Variants in SNX27 observed in about 807,000 individuals in gnomAD.
The protein encoded by SNX27 is sorting nexin-27.
In SNX27, 22 loss-of-function variants were observed where a neutral mutation model predicts 71.6. The observed-to-expected ratio is 0.31, with a 90% CI of 0.22 to 0.44. The LOEUF (loss-of-function observed/expected upper bound fraction) is 0.44, where lower values mean the gene tolerates loss of function less well. SNX27 is among the 20% of genes least tolerant of loss of function. SNX27 has a pLI of 1.00. For synonymous variants in SNX27, 269 were observed against 277.2 expected (o/e 0.97, Z 0.29); for missense variants, 531 against 698.6 (o/e 0.76, Z 2.70).
At chr1:151,660,072 C>T (rs1049371874) in intron 3 of SNX27, 1 of 151,994 alleles carries the variant, frequency 6.6e-6, no homozygotes, top group African/African-American at 2.4e-5. Context: ...TGAACAAAGC[C>T]CTTGGGAAAT....
At chr1:151,665,830 A>G (rs1670164767) in intron 5 of SNX27, 103 bp from the exon 6 acceptor site, 2 of 868,992 alleles carry the variant, frequency 2.3e-6, no homozygotes, top group South Asian at 1.8e-5. Flanking sequence ...CCAAGATGGC[A>G]GAACCTCTCC....
chr1:151,691,864 T>C (rs929057006), intron 8 of SNX27, among the ~76,000 whole-genome samples: 1 of 152,008 alleles, frequency 6.6e-6, no homozygotes, highest in Non-Finnish European at 1.5e-5. Flanking sequence ...AAGGTGTTGT[T>C]TCCTTACTTA....
At chr1:151,640,840 C>G (rs1056692992) in intron 2 of SNX27, among the ~76,000 whole-genome samples, 4 of 152,162 alleles carry the variant, frequency 2.6e-5, no homozygotes, top group African/African-American at 9.7e-5. Flanking sequence ...CAAAAGTTCC[C>G]TCATGCCCTT....
chr1:151,621,525 G>A (rs896091380), intron 1 of SNX27, among the ~76,000 whole-genome samples: 1 of 152,192 alleles, frequency 6.6e-6, no homozygotes, highest in Non-Finnish European at 1.5e-5. Context: ...GTTTTCTACA[G>A]GCCTGATACA....
intron 2 of SNX27, among the ~76,000 whole-genome samples, chr1:151,648,411 C>T (rs1160138653): frequency 1.3e-5 from 2 of 150,768 alleles, no homozygotes; most frequent in Non-Finnish European, 3.0e-5. Flanking sequence ...ACATATTTAC[C>T]ATTTCTTTCT....
At chr1:151,616,119 A>G (rs535311517) in intron 1 of SNX27, among the ~76,000 whole-genome samples, 2 of 152,322 alleles carry the variant, frequency 1.3e-5, no homozygotes, top group Admixed American at 6.5e-5. Flanking sequence ...ACATATACTG[A>G]GTGTTTTCCC....
chr1:151,696,864 G>C lies in SNX27; in HGVS notation c.*2447G>C, dbSNP rs1209266317. 6.6e-6 allele frequency: 1 copy of C among 151,996 alleles called. No homozygotes were observed. The highest frequency in any genetic ancestry group is 6.6e-5 in the Admixed American group (1 of 15,248). The allele number at this position is 151,996 out of a possible 1,614,324, so 9.4% of individuals were successfully genotyped here. A position where few individuals can be genotyped will look rare whatever the true frequency, so the allele number is the denominator to read the frequency against. ...GGGGTTTCACCATGATGGCCAGGTT[G>C]GTTTTGAACTCCTGACCTCAAGTAA... On this transcript the variant is annotated 3_prime_UTR_variant, in exon 12 of 12. Coordinates refer to ENST00000458013, the MANE Select transcript of SNX27 (RefSeq NM_001330723.2).
rs1297750307 is a variant in SNX27, at chr1:151,697,652, A to G, written c.*3235A>G. 6.5e-6 allele frequency: 1 copy of G among 152,886 alleles called. No individual in the cohort carries two copies. Among genetic ancestry groups the G allele is most frequent in the Non-Finnish European group, 1.5e-5 (1 of 68,230 alleles). 9.5% of individuals were successfully genotyped at this position (152,886 alleles called of 1,614,324 possible). A position where few individuals can be genotyped will look rare whatever the true frequency, so the allele number is the denominator to read the frequency against. ...TGGCTGCGTGGATCCCATAGGATCA[A>G]GCCCTTCTTTGCATGAAGCAGTGTT... On this transcript the variant is annotated 3_prime_UTR_variant, in exon 12 of 12. Coordinates refer to ENST00000458013, the MANE Select transcript of SNX27 (RefSeq NM_001330723.2).
rs1342075620 is a variant in SNX27 at position 151,698,433 on chromosome 1, G to A, written c.*4016G>A. The A allele has an allele frequency of 6.6e-6, 1 of 152,654 alleles. No homozygotes were observed. The highest frequency in any genetic ancestry group is 2.4e-5 in the African/African-American group (1 of 41,460). 9.5% of individuals were successfully genotyped at this position (152,654 alleles called of 1,614,324 possible). A position where few individuals can be genotyped will look rare whatever the true frequency, so the allele number is the denominator to read the frequency against. On this transcript the variant is annotated 3_prime_UTR_variant, in exon 12 of 12. Transcript: ENST00000458013. Reference sequence around the variant, plus strand: ...GTTTGGCTAGATTCATTCAGCAGTAGAAGCTGTTTGATCTGTTGACCCCAG... The same window carrying A: ...GTTTGGCTAGATTCATTCAGCAGTAAAAGCTGTTTGATCTGTTGACCCCAG...
At chr1:151,686,782 A>G (rs1191092333) in intron 8 of SNX27, among the ~76,000 whole-genome samples, 3 of 152,266 alleles carry the variant, frequency 2.0e-5, no homozygotes, top group Non-Finnish European at 4.4e-5. Flanking sequence ...CCAGGTCACT[A>G]CAATTAGTAG....
chr1:151,685,099 G>A (rs1014658687), intron 8 of SNX27, among the ~76,000 whole-genome samples: 5 of 152,022 alleles, frequency 3.3e-5, no homozygotes, highest in Admixed American at 6.6e-5. Flanking sequence ...GTAAGCTACC[G>A]TGCCAGGCCT....
chr1:151,683,508 C>T (rs1226505314), intron 8 of SNX27, 63 bp downstream of exon 8: 1 of 1,267,198 alleles, frequency 7.9e-7, no homozygotes, highest in African/African-American at 1.5e-5. Flanking sequence ...ACCTATAGTC[C>T]TAGTCATTTT....
At chr1:151,638,705 A>T in intron 1 of SNX27, 183 bp from the exon 2 acceptor site, 1 of 618,560 alleles carries the variant, frequency 1.6e-6, no homozygotes, top group Non-Finnish European at 2.8e-6. Flanking sequence ...CCCCCGCCAT[A>T]AGTTCACAAA....
Position 151,696,114 on chromosome 1 carries a change from A to G in SNX27, c.*1697A>G, listed in dbSNP as rs1242256162. On this transcript the variant is annotated 3_prime_UTR_variant, in exon 12 of 12. Transcript: ENST00000458013. ...AAAACCTTTCTGCTTTCTGTCCGTT[A>G]AAGAGCTCCTCATCTGATCTTGCAG... 5 of 152,226 alleles carry G rather than the reference A, an allele frequency of 3.3e-5. No individual in the cohort carries two copies. The highest frequency in any genetic ancestry group is 1.2e-4 in the African/African-American group (5 of 41,444). The allele number at this position is 152,226 out of a possible 1,614,324, so 9.4% of individuals were successfully genotyped here. A position where few individuals can be genotyped will look rare whatever the true frequency, so the allele number is the denominator to read the frequency against.
intron 2 of SNX27, among the ~76,000 whole-genome samples, chr1:151,650,147 C>G (rs1008820590): frequency 1.3e-5 from 2 of 152,110 alleles, no homozygotes; most frequent in African/African-American, 4.8e-5. Flanking sequence ...TTCAGCCTCT[C>G]AAGATGTTGG....
chr1:151,651,801 G>T (rs1363296795), intron 2 of SNX27, among the ~76,000 whole-genome samples: 1 of 152,074 alleles, frequency 6.6e-6, no homozygotes, highest in African/African-American at 2.4e-5. Flanking sequence ...AGACGGGGTG[G>T]CGGCCGGGCA....
Position 151,612,531 on chromosome 1 carries a change from C to A in SNX27, c.311+19C>A. The A allele has an allele frequency of 7.5e-7, 1 of 1,340,872 alleles. No homozygotes were observed. Among genetic ancestry groups the A allele is most frequent in the Non-Finnish European group, 9.5e-7 (1 of 1,047,158 alleles). The allele number at this position is 1,340,872 out of a possible 1,614,324, so 83.1% of individuals were successfully genotyped here. A position where few individuals can be genotyped will look rare whatever the true frequency, so the allele number is the denominator to read the frequency against. On this transcript the variant is annotated intron_variant, in intron 1 of 11. Transcript: ENST00000458013. This position sits in a 1 kb window ranked among gnomAD's most constrained non-coding sequence, Gnocchi z 5.2. ...TGGAGGTGTGAGTATCGGGGCTACC[C>A]GCCGCCCCATCCTCCCCGCGCCCCT...
rs201882604 is a variant in SNX27 at position 151,613,571 on chromosome 1, G to GT, written c.311+1065dup. ...CCCTAGGCTGCTTTTCCTTTCTTCTGTTTTTTAAGGCGCCTTCTGCTGCTG... is the reference window on the plus strand; with the variant it reads ...CCCTAGGCTGCTTTTCCTTTCTTCTGTTTTTTTAAGGCGCCTTCTGCTGCTG... On this transcript the variant is annotated intron_variant, in intron 1 of 11. Coordinates refer to ENST00000458013, the MANE Select transcript of SNX27 (RefSeq NM_001330723.2). 4.8e-3 allele frequency among the ~76,000 whole-genome samples: 734 copies of GT among 151,958 alleles called. 5 individuals carry two copies. The highest frequency in any genetic ancestry group is 0.017 in the African/African-American group (687 of 41,432).
rs1437358070 is a variant in SNX27 at position 151,612,695 on chromosome 1, C to T, written c.311+183C>T. ...TGGGCTGCCCTCCCACCACCCGCCCCGGGGCTTCTGCGACGCCGGTCTCCC... is the reference window on the plus strand; with the variant it reads ...TGGGCTGCCCTCCCACCACCCGCCCTGGGGCTTCTGCGACGCCGGTCTCCC... On this transcript the variant is annotated intron_variant, in intron 1 of 11. Transcript: ENST00000458013. The surrounding 1 kb of genome is among the most constrained non-coding windows in gnomAD (Gnocchi z 5.2). Among the ~76,000 whole-genome samples the T allele has an allele frequency of 6.6e-6, 1 of 152,118 alleles. No individual in the cohort carries two copies.
Sources: gnomAD v4.1 joint callset for allele counts (sites outside exome capture counted in the v4.1 genomes callset) on GRCh38, gnomAD v4.1.1 for gene constraint, Gnocchi (gnomAD v3.1) non-coding constraint, MANE v1.5 for transcripts, NCBI Gene and HGNC (gene_info 2026-07-23, HGNC 2026-07-21) for gene names.